ATG7: variants seen among roughly 807,000 people sequenced by gnomAD.
ATG7 encodes autophagy related 7, also known as ubiquitin-like modifier-activating enzyme ATG7.
Under a neutral mutation model 82.4 loss-of-function variants are expected in ATG7, and 70 were observed. The ratio of observed to expected loss-of-function variants is 0.85; its 90% CI spans 0.70 to 1.04. The LOEUF is 1.04. Ranked by LOEUF, ATG7 falls within the 50% of genes least tolerant of loss-of-function variation. ATG7 has a pLI of 0.00. For synonymous variants in ATG7, 287 were observed against 313.0 expected (o/e 0.92, Z 0.88); for missense variants, 792 against 864.3 (o/e 0.92, Z 1.05).
At chr3:11,417,810 A>ATTTTTTT (rs368598930) in intron 19 of ATG7, among the ~76,000 whole-genome samples, 1 of 97,986 alleles carries the variant, frequency 1.0e-5, no homozygotes, top group South Asian at 3.4e-4. Flanking sequence ...ATTTTATTTT[A>ATTTTTTT]TTTTATTTTT....
At position 11,360,695 on chromosome 3, in the gene ATG7, G is replaced by A. The variant is rs2076229848; in HGVS notation, c.1594G>A (p.Ala532Thr). 3 of 1,614,132 alleles carry A rather than the reference G, an allele frequency of 1.9e-6. No individual in the cohort carries two copies. The highest frequency in any genetic ancestry group is 4.5e-5 in the East Asian group (2 of 44,880). The change falls in exon 16 of 21, where the codon GCT becomes ACT. Residue 532 changes from alanine to threonine, a missense_variant. By Grantham distance (58) the Ala-to-Thr change is moderately conservative. Transcript: ENST00000693202. ...DLCPNHPVAS[A>T]DLLGSSLFAN... is the part of the protein sequence containing the mutation. ...GTGTCCAAACCACCCTGTGGCATCT[G>A]CTGACCTCCTGGGCTCATCGCTTTT...
chr3:11,390,273 T>C (rs573066165), intron 19 of ATG7, among the ~76,000 whole-genome samples: 2 of 152,350 alleles, frequency 1.3e-5, no homozygotes, highest in South Asian at 4.1e-4. Flanking sequence ...ACACAGATTT[T>C]TTAAAAAGTG....
At chr3:11,299,995 G>A (rs1272688564) in intron 5 of ATG7, among the ~76,000 whole-genome samples, 1 of 151,424 alleles carries the variant, frequency 6.6e-6, no homozygotes, top group Non-Finnish European at 1.5e-5. Flanking sequence ...TACAATCTCA[G>A]CCCACTGCAA....
chr3:11,434,405 CT>C (rs1440676765), intron 20 of ATG7, among the ~76,000 whole-genome samples: 3 of 152,152 alleles, frequency 2.0e-5, no homozygotes, highest in Non-Finnish European at 4.4e-5. Flanking sequence ...CCAGAGCCTT[CT>C]GCTAGCTCAC....
chr3:11,449,461 G>A (rs2084895912), intron 20 of ATG7, among the ~76,000 whole-genome samples: 1 of 152,190 alleles, frequency 6.6e-6, no homozygotes, highest in Non-Finnish European at 1.5e-5. Context: ...TTAAGGGAAT[G>A]AAAAGGAGAG....
intron 20 of ATG7, among the ~76,000 whole-genome samples, chr3:11,470,890 C>T (rs1354226920): frequency 6.8e-6 from 1 of 147,276 alleles, no homozygotes; most frequent in Non-Finnish European, 1.5e-5. Context: ...TACTCTCGTT[C>T]AGTCTTTCTC....
At chr3:11,413,578 A>G (rs942434508) in intron 19 of ATG7, among the ~76,000 whole-genome samples, 1 of 146,920 alleles carries the variant, frequency 6.8e-6, no homozygotes, top group Admixed American at 7.2e-5. Flanking sequence ...GATGTCACAC[A>G]AAAAACTGAC....
intron 20 of ATG7, among the ~76,000 whole-genome samples, chr3:11,453,548 C>G (rs899406442): frequency 6.6e-6 from 1 of 152,146 alleles, no homozygotes; most frequent in African/African-American, 2.4e-5. Flanking sequence ...AGTGCTGCAG[C>G]TGTTTTGGCT....
intron 20 of ATG7, chr3:11,510,155 C>T (rs775611737): frequency 4.9e-5 from 22 of 452,966 alleles, no homozygotes; most frequent in African/African-American, 4.4e-4. Context: ...ACAGAGTTGC[C>T]TGAAATCATA....
At chr3:11,544,278 C>A (rs974821350) in intron 20 of ATG7, among the ~76,000 whole-genome samples, 3 of 152,226 alleles carry the variant, frequency 2.0e-5, no homozygotes, top group Non-Finnish European at 4.4e-5. Flanking sequence ...GGCAGCACTT[C>A]CCTGTGGCCC....
the ATG7 span, among the ~76,000 whole-genome samples, chr3:11,565,394 C>T: frequency 3.3e-5 from 5 of 152,196 alleles, no homozygotes; most frequent in South Asian, 2.1e-4. This position sits in a 1 kb window ranked among gnomAD's most constrained non-coding sequence, Gnocchi z 4.1. Flanking sequence ...ACGCTGACAA[C>T]GATCCAGAGT....
At chr3:11,503,432 C>T (rs973268863) in intron 20 of ATG7, among the ~76,000 whole-genome samples, 3 of 152,006 alleles carry the variant, frequency 2.0e-5, no homozygotes, top group African/African-American at 7.3e-5. Context: ...AGAGGTACTA[C>T]ATTCATGAAA....
At chr3:11,438,586 AAAG>A (rs2083579372) in intron 20 of ATG7, among the ~76,000 whole-genome samples, 1 of 48,856 alleles carries the variant, frequency 2.0e-5, no homozygotes, top group Admixed American at 2.4e-4. Context: ...AAACAAAAAT[AAAG>A]ATTTTTTTTC....
chr3:11,558,384 A>G, downstream of ATG7: 2 of 1,109,576 alleles, frequency 1.8e-6, no homozygotes, highest in Non-Finnish European at 2.5e-6. Flanking sequence ...TTGTACGGAT[A>G]CCAAGCAAGT....
chr3:11,437,054 G>C (rs1475041732), intron 20 of ATG7, among the ~76,000 whole-genome samples: 1 of 152,150 alleles, frequency 6.6e-6, no homozygotes, highest in African/African-American at 2.4e-5. Flanking sequence ...TGAATCATAT[G>C]GTGTGTGAAT....
At chr3:11,513,550 C>G (rs958336962) in intron 20 of ATG7, among the ~76,000 whole-genome samples, 1 of 152,230 alleles carries the variant, frequency 6.6e-6, no homozygotes, top group Non-Finnish European at 1.5e-5. Flanking sequence ...CGGGGCCTGC[C>G]AAGCCCACGC....
intron 20 of ATG7, among the ~76,000 whole-genome samples, chr3:11,471,746 T>TTTC (rs58775344): frequency 0.089 from 1,434 of 16,120 alleles, 47 homozygotes; most frequent in African/African-American, 0.19. Context: ...TTTAGATTTC[T>TTTC]TTTTTTTTTT....
chr3:11,315,197 A>G (rs928752348), intron 8 of ATG7, 147 bp from the exon 9 acceptor site: 3 of 677,256 alleles, frequency 4.4e-6, no homozygotes, highest in African/African-American at 1.9e-5. Flanking sequence ...AGGCACTTCT[A>G]TGTTCACTTG....
the ATG7 span, among the ~76,000 whole-genome samples, chr3:11,568,186 G>A: frequency 1.1e-4 from 17 of 152,224 alleles, 1 homozygote; most frequent in South Asian, 4.1e-4. This position sits in a 1 kb window ranked among gnomAD's most constrained non-coding sequence, Gnocchi z 5.9. Context: ...AAGGTCAGGC[G>A]TCTGCCCATG....
Sources: allele counts gnomAD v4.1 joint callset (sites outside exome capture counted in the v4.1 genomes callset), GRCh38; gene constraint gnomAD v4.1.1; non-coding constraint Gnocchi (gnomAD v3.1); transcripts MANE v1.5; gene names NCBI Gene and HGNC (gene_info 2026-07-23, HGNC 2026-07-21).